UROC1: variants seen among roughly 807,000 people sequenced by gnomAD.
UROC1 encodes urocanate hydratase 1.
UROC1 carries 79 observed loss-of-function variants against 89.5 expected under a neutral mutation model. The observed-to-expected ratio is 0.88, with a 90% CI of 0.74 to 1.06. The LOEUF (loss-of-function observed/expected upper bound fraction) is 1.06, where lower values mean the gene tolerates loss of function less well. UROC1 is among the 50% of genes least tolerant of loss of function. The probability of loss-of-function intolerance (pLI) is 0.00; values close to 1 mark genes in which losing one functional copy is unlikely to be tolerated. For synonymous variants in UROC1, 361 were observed against 354.8 expected (o/e 1.02, Z -0.20); for missense variants, 885 against 907.8 (o/e 0.97, Z 0.32).
intron 7 of UROC1, 37 bp from the exon 8 acceptor site, chr3:126,505,881 C>T: frequency 6.2e-7 from 1 of 1,610,966 alleles, no homozygotes; most frequent in Non-Finnish European, 8.5e-7. Context: ...CTGCCCACTC[C>T]CAGCCCGCCC....
At chr3:126,501,712 C>T in intron 9 of UROC1, 2 of 1,431,874 alleles carry the variant, frequency 1.4e-6, no homozygotes, top group Admixed American at 2.2e-5. Context: ...AAGATTTGAA[C>T]AGGCCTTGCA....
intron 18 of UROC1, among the ~76,000 whole-genome samples, chr3:126,487,308 C>A (rs1433371155): frequency 6.6e-6 from 1 of 152,246 alleles, no homozygotes; most frequent in African/African-American, 2.4e-5. Context: ...TCAGGAAATC[C>A]TGTGCAGAAA....
At chr3:126,486,771 G>A (rs1935526280) in intron 18 of UROC1, among the ~76,000 whole-genome samples, 1 of 152,192 alleles carries the variant, frequency 6.6e-6, no homozygotes, top group Non-Finnish European at 1.5e-5. Flanking sequence ...GCCACGGTGG[G>A]GATGGAATTG....
intron 3 of UROC1, 56 bp downstream of exon 3, chr3:126,509,529 G>A (rs1936149209): frequency 2.1e-6 from 3 of 1,404,014 alleles, no homozygotes; most frequent in East Asian, 2.5e-5. Flanking sequence ...TGACACGTGT[G>A]TCTCGTGTTC....
chr3:126,488,529 C>G (rs1279119095), intron 17 of UROC1, among the ~76,000 whole-genome samples: 3 of 152,388 alleles, frequency 2.0e-5, no homozygotes, highest in Admixed American at 6.5e-5. Flanking sequence ...CCAGCTAAAG[C>G]ACTCCGGAAG....
rs746246948 is a variant in UROC1, at chr3:126,492,436, G to A, written c.1590C>T (p.Ile530=). 7.4e-6 allele frequency: 12 copies of A among 1,613,556 alleles called. No individual in the cohort carries two copies. Among genetic ancestry groups the A allele is most frequent in the Admixed American group, 3.3e-5 (2 of 60,018 alleles). Residue 530 remains isoleucine (I), a synonymous_variant, in exon 16 of 20, where the codon ATC becomes ATT. Transcript: ENST00000290868. The part of the protein sequence containing the change: ...VAIAVAINQA[I]ACRRIKAPVV... ...ACCTCACCTTGATCCTCCTGCAGGC[G>A]ATGGCCTGGTTAATGGCCACAGCGA...
rs762762485 is a variant in UROC1 at position 126,510,809 on chromosome 3, C to A, written c.127-15G>T. 1.9e-6 allele frequency: 3 copies of A among 1,611,076 alleles called. No individual in the cohort carries two copies. Among genetic ancestry groups the A allele is most frequent in the African/African-American group, 1.3e-5 (1 of 74,928 alleles). ...CTCAGCGCCAGCTGGGGTAGGAGAG[C>A]GGAGAGGCAGTCGGGGCTGGGACTC... On this transcript the variant is annotated splice_polypyrimidine_tract_variant and intron_variant, in intron 1 of 19. Coordinates refer to ENST00000290868, the MANE Select transcript of UROC1 (RefSeq NM_144639.3).
chr3:126,500,231 GCCATGCTCCCCA>G, intron 11 of UROC1, 77 bp from the exon 12 acceptor site: 1 of 1,439,426 alleles, frequency 6.9e-7, no homozygotes, highest in Non-Finnish European at 9.6e-7. Flanking sequence ...AGTCGCACCC[GCCATGCTCCCCA>G]CCAACTTCCA....
rs1287100147 is a variant in UROC1, at chr3:126,488,720, G to T, written c.1709-441C>A. 5.9e-5 allele frequency among the ~76,000 whole-genome samples: 9 copies of T among 152,224 alleles called. 1 individual carries two copies. The highest frequency in any genetic ancestry group is 5.2e-4 in the Admixed American group (8 of 15,290). On this transcript the variant is annotated intron_variant, in intron 17 of 19. Coordinates refer to ENST00000290868, the MANE Select transcript of UROC1 (RefSeq NM_144639.3). ...AGGACAACCATCCAACCTGAAACCT[G>T]GGGACTGAGAGCATCTGCAGAGAGA...
intron 15 of UROC1, 130 bp from the exon 16 acceptor site, chr3:126,492,646 T>C (rs1935682139): frequency 7.4e-6 from 5 of 675,182 alleles, no homozygotes. Flanking sequence ...CCTAACAAGG[T>C]CCAGGAGGAC....
At chr3:126,500,029 C>T (rs1338531090) in intron 12 of UROC1, 28 bp downstream of exon 12, 1 of 1,602,812 alleles carries the variant, frequency 6.2e-7, no homozygotes, top group Non-Finnish European at 8.5e-7. Context: ...GTGGCCCCTC[C>T]CTCCTCCTCC....
chr3:126,509,435 G>A (rs953165366), intron 3 of UROC1, 150 bp downstream of exon 3: 9 of 757,776 alleles, frequency 1.2e-5, no homozygotes, highest in Admixed American at 8.4e-5. Flanking sequence ...GGGGGAAGCC[G>A]AGGGAAGGGC....
intron 2 of UROC1, 37 bp from the exon 3 acceptor site, chr3:126,509,715 C>A (rs1394558526): frequency 1.3e-6 from 2 of 1,537,280 alleles, no homozygotes. Context: ...CTGCCCTTCC[C>A]GCCAAAGCAC....
chr3:126,500,045 C>CCTTCCTCCTA lies in UROC1; in HGVS notation c.1243+2_1243+11dup, dbSNP rs1287072245. The CCTTCCTCCTA allele has an allele frequency of 6.2e-7, 1 of 1,611,642 alleles. No individual in the cohort carries two copies. Among genetic ancestry groups the CCTTCCTCCTA allele is most frequent in the East Asian group, 2.2e-5 (1 of 44,870 alleles). On this transcript the variant is annotated intron_variant, in intron 12 of 19. Transcript: ENST00000290868. The stretch of plus-strand genomic sequence containing the variant: ...TGGCCCCTCCCTCCTCCTCCCTCCT[C>CCTTCCTCCTA]CTTCCTCCTACCTGCTCTCTGGGCC...
chr3:126,501,776 A>T (rs1935928019), intron 9 of UROC1: 6 of 1,597,916 alleles, frequency 3.8e-6, no homozygotes, highest in Non-Finnish European at 5.1e-6. Flanking sequence ...TATGGTCCCC[A>T]TGAAAGAGCA....
Position 126,499,332 on chromosome 3 carries a change from C to G in UROC1, c.1316+5G>C. Reference sequence around the variant, plus strand: ...CACTAGATGTGGCAGCCGCCCATCACTCACCCCATGATGTGCTGCACATAG... The same window carrying G: ...CACTAGATGTGGCAGCCGCCCATCAGTCACCCCATGATGTGCTGCACATAG... On this transcript the variant is annotated splice_donor_5th_base_variant and intron_variant, in intron 13 of 19. Coordinates refer to ENST00000290868, the MANE Select transcript of UROC1 (RefSeq NM_144639.3). 2 of 1,610,854 alleles carry G rather than the reference C, an allele frequency of 1.2e-6. No individual in the cohort carries two copies. Among genetic ancestry groups the G allele is most frequent in the Non-Finnish European group, 1.7e-6 (2 of 1,179,440 alleles).
At chr3:126,497,910 C>A in intron 14 of UROC1, 141 bp downstream of exon 14, 1 of 1,434,262 alleles carries the variant, frequency 7.0e-7, no homozygotes, top group Non-Finnish European at 9.7e-7. Context: ...CAGCTGAGCA[C>A]CCACCAGACT....
intron 1 of UROC1, among the ~76,000 whole-genome samples, chr3:126,511,775 C>G (rs1010983401): frequency 1.4e-4 from 22 of 152,324 alleles, no homozygotes; most frequent in African/African-American, 4.8e-4. Context: ...TTTTCCAAAT[C>G]CGAAATACAG....
chr3:126,499,221 A>G, intron 13 of UROC1, 116 bp downstream of exon 13: 1 of 1,146,738 alleles, frequency 8.7e-7, no homozygotes, highest in Non-Finnish European at 1.3e-6. Context: ...TCAGCGCATG[A>G]CCTCAGGGGC....
Sources: gnomAD v4.1 joint callset for allele counts (sites outside exome capture counted in the v4.1 genomes callset) on GRCh38, gnomAD v4.1.1 for gene constraint, MANE v1.5 for transcripts, NCBI Gene and HGNC (gene_info 2026-07-23, HGNC 2026-07-21) for gene names.